PACRG: variants seen among roughly 807,000 people sequenced by gnomAD.
The protein encoded by PACRG is parkin coregulated gene protein.
A neutral mutation model predicts 29.7 loss-of-function variants in PACRG; 29 were observed. That is an observed-to-expected ratio of 0.98 (90% CI 0.73 to 1.33). PACRG has a LOEUF of 1.33. Ranked by LOEUF, PACRG falls within the 40% of genes most tolerant of loss-of-function variation. The pLI, the probability that PACRG is intolerant of heterozygous loss-of-function variation, is 0.00. For missense variants in PACRG, 279 were observed against 316.2 expected, an observed-to-expected ratio of 0.88 and a Z score of 0.89; for synonymous variants, 116 against 118.7, an observed-to-expected ratio of 0.98 and a Z score of 0.15.
intron 4 of PACRG, among the ~76,000 whole-genome samples, chr6:163,302,412 C>G (rs1227514228): frequency 6.6e-6 from 1 of 152,172 alleles, no homozygotes; most frequent in East Asian, 1.9e-4. Flanking sequence ...TTTAACTCAC[C>G]AGTGTAGAAG....
chr6:163,114,883 TGTGAG>T lies in PACRG; in HGVS notation c.613+25480_613+25484del, dbSNP rs1162007598. On this transcript the variant is annotated intron_variant, in intron 4 of 4. Transcript: ENST00000366888. ...ATCAAAAAAAAAAAAAAGGTAATAATGTGAGGTGATGGATATGCTAATTAGCTTGA... is the reference window on the plus strand; with the variant it reads ...ATCAAAAAAAAAAAAAAGGTAATAATGTGATGGATATGCTAATTAGCTTGA... Among the ~76,000 whole-genome samples the T allele has an allele frequency of 4.7e-5, 7 of 149,710 alleles. No individual in the cohort carries two copies. The East Asian group carries it at 1.2e-3, about 25-fold the overall frequency.
intron 2 of PACRG, among the ~76,000 whole-genome samples, chr6:162,947,439 A>ATC (rs1562766217): frequency 1.9e-5 from 1 of 52,882 alleles, no homozygotes; most frequent in East Asian, 3.5e-4. Context: ...ATATATATAA[A>ATC]ATATATATAA....
intron 2 of PACRG, among the ~76,000 whole-genome samples, chr6:163,037,585 G>A (rs1321598072): frequency 1.3e-5 from 2 of 152,230 alleles, no homozygotes; most frequent in African/African-American, 2.4e-5. Flanking sequence ...GCTGGTCACT[G>A]TCAGGCTCTG....
chr6:163,308,851 C>T (rs1383230779), intron 4 of PACRG, among the ~76,000 whole-genome samples: 1 of 152,108 alleles, frequency 6.6e-6, no homozygotes, highest in Non-Finnish European at 1.5e-5. Flanking sequence ...CACTGCAACC[C>T]AATCAGAAGA....
chr6:163,086,098 C>T (rs982630582), intron 3 of PACRG, among the ~76,000 whole-genome samples: 1 of 152,236 alleles, frequency 6.6e-6, no homozygotes, highest in African/African-American at 2.4e-5. Context: ...ACCCGTTGAG[C>T]ATAGTTGGTA....
At chr6:163,126,627 G>A (rs1816525801) in intron 4 of PACRG, among the ~76,000 whole-genome samples, 1 of 152,134 alleles carries the variant, frequency 6.6e-6, no homozygotes, top group South Asian at 2.1e-4. Context: ...GAAAGCAATG[G>A]CGAAAGAATC....
intron 4 of PACRG, among the ~76,000 whole-genome samples, chr6:163,257,363 A>T (rs2128174089): frequency 1.3e-5 from 2 of 152,254 alleles, no homozygotes; most frequent in Admixed American, 1.3e-4. Context: ...GTTAGGAAAG[A>T]CTATACCAGT....
chr6:162,859,056 T>C (rs533878159), intron 2 of PACRG, among the ~76,000 whole-genome samples: 1 of 152,286 alleles, frequency 6.6e-6, no homozygotes, highest in Admixed American at 6.5e-5. Flanking sequence ...CCCAAAAATA[T>C]TCTACCTTAA....
chr6:162,789,482 G>A (rs1311242222), intron 1 of PACRG, among the ~76,000 whole-genome samples: 1 of 152,042 alleles, frequency 6.6e-6, no homozygotes, highest in Non-Finnish European at 1.5e-5. Flanking sequence ...ATCAAAGAAG[G>A]TTACTATAAA....
chr6:163,228,587 C>T (rs1585351233), intron 4 of PACRG, among the ~76,000 whole-genome samples: 2 of 152,182 alleles, frequency 1.3e-5, no homozygotes, highest in East Asian at 3.9e-4. Context: ...CCAAAGAATT[C>T]CTTTTTATGG....
At chr6:162,967,363 A>G (rs1231028160) in intron 2 of PACRG, among the ~76,000 whole-genome samples, 1 of 152,160 alleles carries the variant, frequency 6.6e-6, no homozygotes, top group Non-Finnish European at 1.5e-5. Flanking sequence ...TAAAAGTTAA[A>G]CTGTTCTGTA....
chr6:162,893,940 A>G (rs1410806468), intron 2 of PACRG, among the ~76,000 whole-genome samples: 1 of 152,206 alleles, frequency 6.6e-6, no homozygotes, highest in South Asian at 2.1e-4. Context: ...GGCACAATCA[A>G]TCACGAACTC....
rs980446167 is a variant in PACRG at position 162,969,692 on chromosome 6, G to T, written c.292-92458G>T. On this transcript the variant is annotated intron_variant, in intron 2 of 4. Transcript: ENST00000366888. ...TGACTGTTTCCTCCTGGAGGGCCTCGGCATGGTGTGGTTTGCTCTTTCCCG... is the reference window on the plus strand; with the variant it reads ...TGACTGTTTCCTCCTGGAGGGCCTCTGCATGGTGTGGTTTGCTCTTTCCCG... Among the ~76,000 whole-genome samples the T allele has an allele frequency of 3.3e-5, 5 of 152,082 alleles. No individual in the cohort carries two copies. The South Asian group carries it at 1.0e-3, about 32-fold the overall frequency.
intron 2 of PACRG, among the ~76,000 whole-genome samples, chr6:162,870,572 C>T (rs1262188207): frequency 2.0e-5 from 3 of 152,148 alleles, no homozygotes; most frequent in South Asian, 4.1e-4. Context: ...ATTCCTGACC[C>T]CCTTCCCATG....
intron 4 of PACRG, among the ~76,000 whole-genome samples, chr6:163,106,572 A>T (rs1388183537): frequency 1.3e-5 from 2 of 152,216 alleles, no homozygotes; most frequent in African/African-American, 4.8e-5. Flanking sequence ...AGTTTATAAC[A>T]GAGTTTAATA....
intron 2 of PACRG, among the ~76,000 whole-genome samples, chr6:162,845,846 A>T (rs574711650): frequency 1.9e-4 from 29 of 152,344 alleles, no homozygotes; most frequent in Middle Eastern, 6.8e-3. Context: ...GTTATCATAC[A>T]CTACCTAATG....
intron 4 of PACRG, among the ~76,000 whole-genome samples, chr6:163,175,138 T>A (rs1267925749): frequency 6.6e-6 from 1 of 152,186 alleles, no homozygotes; most frequent in Admixed American, 6.5e-5. Flanking sequence ...CAGAAATGGT[T>A]GCTGATATCT....
intron 2 of PACRG, among the ~76,000 whole-genome samples, chr6:163,056,663 C>T (rs1383701277): frequency 1.3e-5 from 2 of 151,992 alleles, no homozygotes; most frequent in Non-Finnish European, 1.5e-5. Flanking sequence ...ATGAATTTGC[C>T]CTCACGGTGG....
intron 4 of PACRG, among the ~76,000 whole-genome samples, chr6:163,288,420 T>C (rs945789571): frequency 6.6e-6 from 1 of 152,214 alleles, no homozygotes; most frequent in Non-Finnish European, 1.5e-5. Context: ...TTACAGTTTC[T>C]TGGCCTTGAT....
Sources: allele counts gnomAD v4.1 joint callset (sites outside exome capture counted in the v4.1 genomes callset), GRCh38; gene constraint gnomAD v4.1.1; transcripts MANE v1.5; gene names NCBI Gene and HGNC (gene_info 2026-07-23, HGNC 2026-07-21).